Variants in HAO1 observed in about 807,000 individuals in gnomAD.
HAO1 encodes hydroxyacid oxidase 1.
In HAO1, 34 loss-of-function variants were observed where a neutral mutation model predicts 39.7. The observed-to-expected ratio is 0.86, with a 90% CI of 0.65 to 1.14. The LOEUF (loss-of-function observed/expected upper bound fraction) is 1.14, where lower values mean the gene tolerates loss of function less well. HAO1 is among the 50% of genes most tolerant of loss of function. The probability of loss-of-function intolerance (pLI) is 0.00; values close to 1 mark genes in which losing one functional copy is unlikely to be tolerated. For missense variants in HAO1, 479 were observed against 464.5 expected (o/e 1.03, Z -0.29); for synonymous variants, 172 against 173.2 (o/e 0.99, Z 0.05).
chr20:7,928,760 T>G (rs539690213), intron 2 of HAO1, among the ~76,000 whole-genome samples: 18 of 152,128 alleles, frequency 1.2e-4, no homozygotes, highest in Non-Finnish European at 2.5e-4. Context: ...TCCACATAAA[T>G]CAGATGTCCC....
intron 4 of HAO1, among the ~76,000 whole-genome samples, chr20:7,905,503 G>A (rs1260715788): frequency 1.3e-5 from 2 of 152,126 alleles, no homozygotes; most frequent in East Asian, 3.8e-4. Flanking sequence ...TACCACAAAG[G>A]TTTTCTTGCC....
At chr20:7,914,917 G>A (rs961846120) in intron 2 of HAO1, among the ~76,000 whole-genome samples, 1 of 151,996 alleles carries the variant, frequency 6.6e-6, no homozygotes, top group African/African-American at 2.4e-5. Flanking sequence ...TCAGGAGTTC[G>A]AGACCAGCCT....
chr20:7,883,250 T>C lies in HAO1; in HGVS notation c.*343A>G, dbSNP rs1487198835. The C allele has an allele frequency of 3.5e-6, 1 of 286,502 alleles. No individual in the cohort carries two copies. The highest frequency in any genetic ancestry group is 6.7e-6 in the Non-Finnish European group (1 of 148,188). 17.7% of individuals were successfully genotyped at this position (286,502 alleles called of 1,614,324 possible). ...TACAGGTTAATAAACAATGAGATCA[T>C]TATCTTTTCACCTTAGTGTTTGCTA... On this transcript the variant is annotated 3_prime_UTR_variant, in exon 8 of 8. Transcript: ENST00000378789.
At chr20:7,937,926 A>G (rs1318463230) in intron 1 of HAO1, among the ~76,000 whole-genome samples, 1 of 152,204 alleles carries the variant, frequency 6.6e-6, no homozygotes, top group African/African-American at 2.4e-5. Flanking sequence ...TCTCCAAGCA[A>G]CTGCTGGGTC....
At chr20:7,885,933 A>C in intron 5 of HAO1, 69 bp from the exon 6 acceptor site, 1 of 1,287,302 alleles carries the variant, frequency 7.8e-7, no homozygotes, top group Non-Finnish European at 1.1e-6. Context: ...CACCTCCAAA[A>C]ACCACTGACA....
Position 7,939,957 on chromosome 20 carries a change from A to G in HAO1, c.137+329T>C, listed in dbSNP as rs2255183. The stretch of plus-strand genomic sequence containing the variant: ...TAATGCTGTTTCCTACACCATGAAC[A>G]TAAGCATTTACTGTCATACTAAGAA... On this transcript the variant is annotated intron_variant, in intron 1 of 7. Coordinates refer to ENST00000378789, the MANE Select transcript of HAO1 (RefSeq NM_017545.3). Among the ~76,000 whole-genome samples the G allele has an allele frequency of 0.073, 11,183 of 152,306 alleles. 526 individuals carry two copies. Among genetic ancestry groups the G allele is most frequent in the East Asian group, 0.2 (1,033 of 5,180 alleles).
At chr20:7,924,534 C>A (rs2122788787) in intron 2 of HAO1, among the ~76,000 whole-genome samples, 1 of 152,002 alleles carries the variant, frequency 6.6e-6, no homozygotes, top group Non-Finnish European at 1.5e-5. Flanking sequence ...CCACCACCAC[C>A]ACCACAAAAC....
At chr20:7,893,055 C>T (rs2050181287) in intron 5 of HAO1, among the ~76,000 whole-genome samples, 1 of 152,074 alleles carries the variant, frequency 6.6e-6, no homozygotes, top group Non-Finnish European at 1.5e-5. Context: ...TGACAAAATC[C>T]ACTTTATGAG....
intron 5 of HAO1, among the ~76,000 whole-genome samples, chr20:7,889,469 A>G (rs1260294942): frequency 6.6e-6 from 1 of 152,210 alleles, no homozygotes; most frequent in Non-Finnish European, 1.5e-5. Flanking sequence ...CCATCCTATT[A>G]TTCTCTAATT....
At chr20:7,888,168 C>T (rs994677691) in intron 5 of HAO1, among the ~76,000 whole-genome samples, 2 of 152,164 alleles carry the variant, frequency 1.3e-5, no homozygotes, top group Admixed American at 1.3e-4. Context: ...TCATTCATCC[C>T]TCTATTCACT....
chr20:7,901,286 G>A (rs6055379), intron 4 of HAO1, among the ~76,000 whole-genome samples: 9,922 of 152,150 alleles, frequency 0.065, 840 homozygotes, highest in East Asian at 0.41. Context: ...TTTCAATGTA[G>A]ATTAAACAGG....
At chr20:7,891,402 T>G (rs904100076) in intron 5 of HAO1, among the ~76,000 whole-genome samples, 16 of 152,206 alleles carry the variant, frequency 1.1e-4, no homozygotes, top group Admixed American at 2.0e-4. Context: ...GTTTGTTTTT[T>G]TTCTTATTTG....
chr20:7,903,631 T>C (rs1244781882), intron 4 of HAO1, among the ~76,000 whole-genome samples: 4 of 150,372 alleles, frequency 2.7e-5, no homozygotes, highest in Admixed American at 6.6e-5. Flanking sequence ...ATGGGAGTGG[T>C]GATGGTGGTG....
intron 5 of HAO1, among the ~76,000 whole-genome samples, chr20:7,889,915 A>G (rs965835960): frequency 5.9e-5 from 9 of 152,148 alleles, no homozygotes; most frequent in South Asian, 2.1e-4. Context: ...TGCTCTTCCC[A>G]TGACATCATG....
Position 7,931,558 on chromosome 20 carries a change from G to T in HAO1, c.289+2926C>A, listed in dbSNP as rs544496671. Among the ~76,000 whole-genome samples, 8 of 152,132 alleles carry T rather than the reference G, an allele frequency of 5.3e-5. No individual in the cohort carries two copies. In the South Asian group the frequency reaches 1.0e-3, roughly 20 times the overall value. On this transcript the variant is annotated intron_variant, in intron 2 of 7. Transcript: ENST00000378789. The stretch of plus-strand genomic sequence containing the variant: ...ATAATATGATCGATTTATTTGGGCC[G>T]CTCTGAGCCTTCAATGCTATAATAC...
At position 7,940,311 on chromosome 20, in the gene HAO1, C is replaced by G; in HGVS notation, c.112G>C (p.Ala38Pro). The change falls in exon 1 of 8, where the codon GCT becomes CCT. Residue 38 changes from alanine (A) to proline (P), a missense_variant. Coordinates refer to ENST00000378789, the MANE Select transcript of HAO1 (RefSeq NM_017545.3). ...CTGGAAAATGCTGCAATATTATCAG[C>G]CAAAGTTTCTTCATCATTTGCCCCA... The part of the protein sequence containing the change: ...RSGANDEETL[A>P]DNIAAFSRWK... The G allele has an allele frequency of 6.2e-7, 1 of 1,606,264 alleles. No individual in the cohort carries two copies. The highest frequency in any genetic ancestry group is 8.5e-7 in the Non-Finnish European group (1 of 1,177,650).
intron 4 of HAO1, among the ~76,000 whole-genome samples, chr20:7,903,881 G>A (rs921113892): frequency 4.0e-5 from 6 of 148,504 alleles, no homozygotes; most frequent in Non-Finnish European, 9.0e-5. Flanking sequence ...GGTGGTGGTG[G>A]TGGTGGTGGT....
intron 1 of HAO1, among the ~76,000 whole-genome samples, chr20:7,937,691 T>A (rs1179593661): frequency 6.6e-6 from 1 of 152,206 alleles, no homozygotes; most frequent in Non-Finnish European, 1.5e-5. Context: ...AGACCATAGT[T>A]GAGAAGGCTA....
At chr20:7,916,124 G>A (rs774037257) in intron 2 of HAO1, among the ~76,000 whole-genome samples, 2 of 152,060 alleles carry the variant, frequency 1.3e-5, no homozygotes, top group Non-Finnish European at 2.9e-5. Context: ...TAGTTTTAGA[G>A]GGTACTTGAG....
Sources: gnomAD v4.1 joint callset for allele counts (sites outside exome capture counted in the v4.1 genomes callset) on GRCh38, gnomAD v4.1.1 for gene constraint, MANE v1.5 for transcripts, NCBI Gene and HGNC (gene_info 2026-07-23, HGNC 2026-07-21) for gene names.